Variants in SLC2A10 observed in about 807,000 individuals in gnomAD.
The protein encoded by SLC2A10 is solute carrier family 2 member 10, also known as solute carrier family 2, facilitated glucose transporter member 10.
SLC2A10 carries 25 observed loss-of-function variants against 32.1 expected under a neutral mutation model. The observed-to-expected ratio is 0.78, with a 90% CI of 0.57 to 1.09. SLC2A10 has a LOEUF of 1.09. SLC2A10 is among the 50% of genes least tolerant of loss of function. The pLI, the probability that SLC2A10 is intolerant of heterozygous loss-of-function variation, is 0.00. For synonymous variants in SLC2A10, 332 were observed against 309.6 expected (o/e 1.07, Z -0.76); for missense variants, 673 against 686.5 (o/e 0.98, Z 0.22).
In SLC2A10 at chr20:46,735,247, C is replaced by G. The variant is rs1265297184; in HGVS notation, c.*1413C>G. 6.6e-6 allele frequency: 1 copy of G among 152,548 alleles called. No individual in the cohort carries two copies. Among genetic ancestry groups the G allele is most frequent in the African/African-American group, 2.4e-5 (1 of 41,410 alleles). 9.4% of individuals were successfully genotyped at this position (152,548 alleles called of 1,614,324 possible). On this transcript the variant is annotated 3_prime_UTR_variant, in exon 5 of 5. Coordinates refer to ENST00000359271, the MANE Select transcript of SLC2A10 (RefSeq NM_030777.4). ...CCATGCGTGCACATATGGGTGCTGG[C>G]AGAGCCCCCAAGGACTCTGGCCTCT...
chr20:46,709,887 G>A lies in SLC2A10; in HGVS notation c.4+147G>A, dbSNP rs1978807243. ...ACCGCCTCTCGGGTGGCCAGCCCGAGACTGCAGGCCTGCGGCGGGGGCTGG... is the reference window on the plus strand; with the variant it reads ...ACCGCCTCTCGGGTGGCCAGCCCGAAACTGCAGGCCTGCGGCGGGGGCTGG... On this transcript the variant is annotated intron_variant, in intron 1 of 4. Coordinates refer to ENST00000359271, the MANE Select transcript of SLC2A10 (RefSeq NM_030777.4). The A allele has an allele frequency of 3.4e-6, 3 of 892,414 alleles. No homozygotes were observed. In the Admixed American group the frequency reaches 6.9e-5, roughly 20 times the overall value. 55.3% of individuals were successfully genotyped at this position (892,414 alleles called of 1,614,324 possible). A position where few individuals can be genotyped will look rare whatever the true frequency, so the allele number is the denominator to read the frequency against.
At chr20:46,721,848 TG>T (rs1555887473) in intron 1 of SLC2A10, among the ~76,000 whole-genome samples, 5 of 152,212 alleles carry the variant, frequency 3.3e-5, no homozygotes, top group Non-Finnish European at 7.3e-5. Context: ...TCCCTATGTG[TG>T]GGTGGAGAGT....
intron 1 of SLC2A10, among the ~76,000 whole-genome samples, chr20:46,712,497 C>T (rs1600655097): frequency 6.6e-6 from 1 of 152,156 alleles, no homozygotes; most frequent in East Asian, 1.9e-4. Flanking sequence ...GGATTTCCTC[C>T]AGTGTGGGAC....
intron 1 of SLC2A10, among the ~76,000 whole-genome samples, chr20:46,719,850 A>G (rs374091411): frequency 6.6e-6 from 1 of 152,214 alleles, no homozygotes; most frequent in Non-Finnish European, 1.5e-5. Context: ...CTCTTCCAAG[A>G]GCCAGTGAGA....
chr20:46,716,894 A>G (rs1979276019), intron 1 of SLC2A10, among the ~76,000 whole-genome samples: 1 of 152,012 alleles, frequency 6.6e-6, no homozygotes, highest in African/African-American at 2.4e-5. Context: ...TTAGTGGTAC[A>G]TGCCTGTAGT....
Position 46,710,379 on chromosome 20 carries a change from GAT to G in SLC2A10, c.4+643_4+644del, listed in dbSNP as rs1170572700. On this transcript the variant is annotated intron_variant, in intron 1 of 4. Transcript: ENST00000359271. ...GAGCACCTACTACGTGCCAGACATT[GAT>G]ATAGGGGTTAGAGCTTCAGCAATGA... 2.3e-4 allele frequency: 57 copies of G among 247,240 alleles called. No homozygotes were observed. The East Asian group carries it at 3.5e-3, about 15-fold the overall frequency. The allele number at this position is 247,240 out of a possible 1,614,324, so 15.3% of individuals were successfully genotyped here.
At position 46,709,821 on chromosome 20, in the gene SLC2A10, G is replaced by T; in HGVS notation, c.4+81G>T. 30 of 1,507,394 alleles carry T rather than the reference G, an allele frequency of 2.0e-5. No individual in the cohort carries two copies. In the South Asian group the frequency reaches 3.5e-4, roughly 18 times the overall value. 93.4% of individuals were successfully genotyped at this position (1,507,394 alleles called of 1,614,324 possible). A position where few individuals can be genotyped will look rare whatever the true frequency, so the allele number is the denominator to read the frequency against. ...ACACCGCCCCCACGCTCCCCTAAGAGTGCGCGCCCCCTGGCTCCCCCAGGG... is the reference window on the plus strand; with the variant it reads ...ACACCGCCCCCACGCTCCCCTAAGATTGCGCGCCCCCTGGCTCCCCCAGGG... On this transcript the variant is annotated intron_variant, in intron 1 of 4. Transcript: ENST00000359271.
chr20:46,724,956 G>A, intron 1 of SLC2A10, 85 bp from the exon 2 acceptor site: 1 of 1,574,482 alleles, frequency 6.4e-7, no homozygotes, highest in East Asian at 2.2e-5. Flanking sequence ...AAATGAAGGT[G>A]TTGACAGATG....
At chr20:46,724,041 G>C (rs575160314) in intron 1 of SLC2A10, among the ~76,000 whole-genome samples, 1 of 152,290 alleles carries the variant, frequency 6.6e-6, no homozygotes, top group South Asian at 2.1e-4. Context: ...TGTTCACTCT[G>C]TCTAGGATGT....
chr20:46,725,402 C>T lies in SLC2A10; in HGVS notation c.366C>T (p.Tyr122=), dbSNP rs34990188. The T allele has an allele frequency of 5.1e-3, 8,177 of 1,614,168 alleles. 33 individuals carry two copies. The highest frequency in any genetic ancestry group is 6.7e-3 in the South Asian group (608 of 91,086). Reference sequence around the variant, plus strand: ...TCTCCTCCATGGCTTGCTGTATCTACGTGTCAGAGCTGGTGGGGCCACGGC... The same window carrying T: ...TCTCCTCCATGGCTTGCTGTATCTATGTGTCAGAGCTGGTGGGGCCACGGC... The part of the protein sequence containing the change: ...ISLSSMACCI[Y]VSELVGPRQR... The change falls in exon 2 of 5, where the codon TAC becomes TAT. Residue 122 remains tyrosine (Y), a synonymous_variant. Transcript: ENST00000359271.
chr20:46,713,116 A>G (rs1446735197), intron 1 of SLC2A10, among the ~76,000 whole-genome samples: 1 of 152,092 alleles, frequency 6.6e-6, no homozygotes, highest in Non-Finnish European at 1.5e-5. Context: ...TCAATCATTC[A>G]TTTGTTTAAC....
At chr20:46,709,773 C>A (rs567032064) in intron 1 of SLC2A10, 33 bp downstream of exon 1, 4 of 1,546,854 alleles carry the variant, frequency 2.6e-6, no homozygotes, top group Non-Finnish European at 3.5e-6. Context: ...CTGCTGGAAG[C>A]CCGACCCCTT....
rs377238665 is a variant in SLC2A10 at position 46,726,038 on chromosome 20, T to A, written c.1002T>A (p.Asn334Lys). 7 of 1,614,036 alleles carry A rather than the reference T, an allele frequency of 4.3e-6. No homozygotes were observed. In the African/African-American group the frequency reaches 5.3e-5, roughly 12 times the overall value. ...DSGPSCLAVPNATGQTGLPGD... is the reference protein window; with the variant it reads ...DSGPSCLAVPKATGQTGLPGD... ...GCCCAAGCTGTCTGGCTGTGCCCAA[T>A]GCCACCGGGCAGACAGGCCTCCCTG... The change falls in exon 2 of 5, where the codon AAT becomes AAA. Residue 334 changes from asparagine to lysine, a missense_variant. Physicochemically the swap from Asn to Lys is moderately conservative, Grantham distance 94. Coordinates refer to ENST00000359271, the MANE Select transcript of SLC2A10 (RefSeq NM_030777.4).
At chr20:46,729,563 T>C in intron 4 of SLC2A10, 75 bp downstream of exon 4, 1 of 1,580,960 alleles carries the variant, frequency 6.3e-7, no homozygotes, top group Non-Finnish European at 8.7e-7. Flanking sequence ...GATTTTAGTC[T>C]TTGTGCTTTC....
chr20:46,721,716 T>A (rs1488464604), intron 1 of SLC2A10, among the ~76,000 whole-genome samples: 1 of 152,248 alleles, frequency 6.6e-6, no homozygotes, highest in East Asian at 1.9e-4. Context: ...GGTTTCATTT[T>A]CATAAAGGCC....
Position 46,725,174 on chromosome 20 carries a change from G to C in SLC2A10, c.138G>C (p.Glu46Asp). ...LQLDFGLSCLEQEFLVGSLLL... is the reference protein window; with the variant it reads ...LQLDFGLSCLDQEFLVGSLLL... The stretch of plus-strand genomic sequence containing the variant: ...TTGACTTTGGGCTAAGCTGCTTGGA[G>C]CAGGAGTTCCTGGTGGGCAGCCTGC... Residue 46 changes from glutamate (E) to aspartate (D), a missense_variant, in exon 2 of 5, where the codon GAG (glutamate) becomes GAC (aspartate). Glu to Asp is a conservative substitution (Grantham distance 45). Transcript: ENST00000359271. 6.2e-7 allele frequency: 1 copy of C among 1,614,224 alleles called. No homozygotes were observed. Among genetic ancestry groups the C allele is most frequent in the Admixed American group, 1.7e-5 (1 of 60,034 alleles).
rs188370349 is a variant in SLC2A10 at position 46,734,014 on chromosome 20, A to G, written c.*180A>G. 3.2e-3 allele frequency: 2,171 copies of G among 668,650 alleles called. 11 individuals carry two copies. Among genetic ancestry groups the G allele is most frequent in the Non-Finnish European group, 4.8e-3 (1,776 of 370,636 alleles). 41.4% of individuals were successfully genotyped at this position (668,650 alleles called of 1,614,324 possible). A position where few individuals can be genotyped will look rare whatever the true frequency, so the allele number is the denominator to read the frequency against. ...AAAGTCTGAGAATGCCCAACTCTTC[A>G]TTTTGAGTCTCAGGCCCTGAAGGTT... On this transcript the variant is annotated 3_prime_UTR_variant, in exon 5 of 5. Transcript: ENST00000359271.
chr20:46,725,542 G>A lies in SLC2A10; in HGVS notation c.506G>A (p.Gly169Asp), dbSNP rs745499951. The change falls in exon 2 of 5, where the codon GGC becomes GAC. Residue 169 changes from glycine (G) to aspartate (D), a missense_variant. Physicochemically the swap from Gly to Asp is moderately conservative, Grantham distance 94 (BLOSUM62 -1). Coordinates refer to ENST00000359271, the MANE Select transcript of SLC2A10 (RefSeq NM_030777.4). The stretch of plus-strand genomic sequence containing the variant: ...CCCTGGGGATGGAGGCACATGTTCG[G>A]CTGGGCCACTGCACCTGCTGTCCTG... ...GTPWGWRHMF[G>D]WATAPAVLQS... The A allele has an allele frequency of 1.9e-6, 3 of 1,614,142 alleles. No individual in the cohort carries two copies. The highest frequency in any genetic ancestry group is 2.2e-5 in the South Asian group (2 of 91,090).
chr20:46,734,294 A>ATT lies in SLC2A10; in HGVS notation c.*471_*472dup, dbSNP rs3091691. 4.4e-4 allele frequency: 83 copies of ATT among 188,454 alleles called. No homozygotes were observed. Among genetic ancestry groups the ATT allele is most frequent in the East Asian group, 2.4e-3 (16 of 6,574 alleles). The allele number at this position is 188,454 out of a possible 1,614,324, so 11.7% of individuals were successfully genotyped here. A position where few individuals can be genotyped will look rare whatever the true frequency, so the allele number is the denominator to read the frequency against. ...GGAAGTCTCTTTTTTTACTCTTATC[A>ATT]TTTTTTTTTTTTGAGGTGGAGTCTC... On this transcript the variant is annotated 3_prime_UTR_variant, in exon 5 of 5. Coordinates refer to ENST00000359271, the MANE Select transcript of SLC2A10 (RefSeq NM_030777.4).
Sources: gnomAD v4.1 joint callset for allele counts (sites outside exome capture counted in the v4.1 genomes callset) on GRCh38, gnomAD v4.1.1 for gene constraint, MANE v1.5 for transcripts, NCBI Gene and HGNC (gene_info 2026-07-23, HGNC 2026-07-21) for gene names.